The following PCDH18 variants were observed in gnomAD, a reference collection of about 807,000 sequenced individuals.
The protein encoded by PCDH18 is protocadherin 18.
In PCDH18, 38 loss-of-function variants were observed where a neutral mutation model predicts 71.5. That is an observed-to-expected ratio of 0.53 (90% CI 0.41 to 0.70). PCDH18 has a LOEUF of 0.70. PCDH18 is among the 30% of genes least tolerant of loss of function. The pLI is 0.00. For synonymous variants in PCDH18, 565 were observed against 505.4 expected (o/e 1.12, Z -1.58); for missense variants, 1,334 against 1,384.6 (o/e 0.96, Z 0.58).
rs866046766 is a variant in PCDH18 at position 137,530,573 on chromosome 4, C to T, written c.1516G>A (p.Glu506Lys). 2 of 1,614,100 alleles carry T rather than the reference C, an allele frequency of 1.2e-6. No homozygotes were observed. The highest frequency in any genetic ancestry group is 1.7e-6 in the Non-Finnish European group (2 of 1,179,988). ...ATGGAACTTCCTAGAATAAAACTCT[C>T]CAAGATGGTGTATGTCACTTGCCCA... is the stretch of plus-strand genomic sequence containing the variant. ...ENGQVTYTIL[E>K]SFILGSSITT... The change falls in exon 1 of 4, where the codon GAG (glutamate) becomes AAG (lysine). Residue 506 changes from glutamate to lysine, a missense_variant. Glu to Lys is a moderately conservative substitution (Grantham distance 56). Transcript: ENST00000344876.
intron 3 of PCDH18, among the ~76,000 whole-genome samples, chr4:137,526,227 C>A (rs1206203656): frequency 6.6e-6 from 1 of 151,832 alleles, no homozygotes; most frequent in African/African-American, 2.4e-5. Context: ...ATCATTTAAT[C>A]CCCAAAATAC....
rs1731684847 is a variant in PCDH18, at chr4:137,531,329, G to T, written c.760C>A (p.Gln254Lys). The change falls in exon 1 of 4, where the codon CAA becomes AAA. Residue 254 changes from glutamine to lysine, a missense_variant. Around this residue, in one of 3 missense-constraint regions of PCDH18, gnomAD observed 1,011 missense variants for 1,048.0 expected, o/e 0.96. Coordinates refer to ENST00000344876, the MANE Select transcript of PCDH18 (RefSeq NM_019035.5). Reference sequence around the variant, plus strand: ...CCAACCGGGGAGTTTTCTAAGAGTTGTATTATATAAGATTGCTGCTCAAAA... The same window carrying T: ...CCAACCGGGGAGTTTTCTAAGAGTTTTATTATATAAGATTGCTGCTCAAAA... ...PAFEQQSYII[Q>K]LLENSPVGTL... 1 of 1,613,862 alleles carries T rather than the reference G, an allele frequency of 6.2e-7. No individual in the cohort carries two copies. The highest frequency in any genetic ancestry group is 8.5e-7 in the Non-Finnish European group (1 of 1,180,008).
Position 137,521,713 on chromosome 4 carries a change from C to A in PCDH18, c.2741-17G>T. 1 of 1,570,740 alleles carries A rather than the reference C, an allele frequency of 6.4e-7. No individual in the cohort carries two copies. The highest frequency in any genetic ancestry group is 8.6e-7 in the Non-Finnish European group (1 of 1,156,222). ...GTCTCATAGCTGCACTCAAGAAAAA[C>A]AGTGGGGATTCATTATTATACTTAG... On this transcript the variant is annotated splice_polypyrimidine_tract_variant and intron_variant, in intron 3 of 3. Transcript: ENST00000344876.
chr4:137,520,892 T>C lies in PCDH18; in HGVS notation c.*137A>G, dbSNP rs932244380. On this transcript the variant is annotated 3_prime_UTR_variant, in exon 4 of 4. Coordinates refer to ENST00000344876, the MANE Select transcript of PCDH18 (RefSeq NM_019035.5). ...ATTGTGTACATACGAAAATACAGTA[T>C]TTAATATTCAATATACACAGACACA... 4 of 601,798 alleles carry C rather than the reference T, an allele frequency of 6.6e-6. No homozygotes were observed. Among genetic ancestry groups the C allele is most frequent in the Non-Finnish European group, 1.2e-5 (4 of 340,644 alleles). The allele number at this position is 601,798 out of a possible 1,614,324, so 37.3% of individuals were successfully genotyped here.
rs1239121418 is a variant in PCDH18, at chr4:137,520,276, A to G, written c.*753T>C. On this transcript the variant is annotated 3_prime_UTR_variant, in exon 4 of 4. Coordinates refer to ENST00000344876, the MANE Select transcript of PCDH18 (RefSeq NM_019035.5). ...ATAAAATTTATTGTTTACCATAATTATAAGTAGATAATAATATTGTGAGAG... is the reference window on the plus strand; with the variant it reads ...ATAAAATTTATTGTTTACCATAATTGTAAGTAGATAATAATATTGTGAGAG... 6.6e-6 allele frequency: 1 copy of G among 152,390 alleles called. No homozygotes were observed. Among genetic ancestry groups the G allele is most frequent in the Non-Finnish European group, 1.5e-5 (1 of 68,028 alleles). The allele number at this position is 152,390 out of a possible 1,614,324, so 9.4% of individuals were successfully genotyped here. A position where few individuals can be genotyped will look rare whatever the true frequency, so the allele number is the denominator to read the frequency against.
At position 137,521,488 on chromosome 4, in the gene PCDH18, A is replaced by G; in HGVS notation, c.2949T>C (p.Phe983=). The G allele has an allele frequency of 3.7e-6, 6 of 1,614,178 alleles. No individual in the cohort carries two copies. The highest frequency in any genetic ancestry group is 5.1e-6 in the Non-Finnish European group (6 of 1,180,030). ...PADSGEKKKS[F]STFGKDSPND... Reference sequence around the variant, plus strand: ...TTGGGGAGTCCTTTCCAAAGGTGGAAAAACTCTTCTTCTTTTCACCGGAAT... The same window carrying G: ...TTGGGGAGTCCTTTCCAAAGGTGGAGAAACTCTTCTTCTTTTCACCGGAAT... Residue 983 remains phenylalanine (F), a synonymous_variant, in exon 4 of 4, where the codon TTT becomes TTC. Coordinates refer to ENST00000344876, the MANE Select transcript of PCDH18 (RefSeq NM_019035.5).
rs368981762 is a variant in PCDH18, at chr4:137,521,108, T to C, written c.3329A>G (p.Asp1110Gly). 115 of 1,613,944 alleles carry C rather than the reference T, an allele frequency of 7.1e-5. No homozygotes were observed. The highest frequency in any genetic ancestry group is 9.7e-5 in the Non-Finnish European group (115 of 1,179,926). ...GGCATCCATGAGTTCGTGTTTCCCA[T>C]CATTGAGGTGGTTGAGCACATTGTC... ...DFDNVLNHLN[D>G]GKHELMDASE... Residue 1110 changes from aspartate (D) to glycine (G), a missense_variant, in exon 4 of 4, where the codon GAT becomes GGT. By Grantham distance (94) the Asp-to-Gly change is moderately conservative (BLOSUM62 -1). Transcript: ENST00000344876.
At chr4:137,521,738 G>A in intron 3 of PCDH18, 42 bp from the exon 4 acceptor site, 1 of 1,444,106 alleles carries the variant, frequency 6.9e-7, no homozygotes, top group South Asian at 1.3e-5. Context: ...ATTATACTTA[G>A]CACGATTCAA....
At position 137,530,271 on chromosome 4, in the gene PCDH18, A is replaced by C. The variant is rs773557321; in HGVS notation, c.1818T>G (p.Ile606Met). The change falls in exon 1 of 4, where the codon ATT (isoleucine) becomes ATG (methionine). Residue 606 changes from isoleucine to methionine, a missense_variant. Physicochemically the swap from Ile to Met is conservative, Grantham distance 10. Coordinates refer to ENST00000344876, the MANE Select transcript of PCDH18 (RefSeq NM_019035.5). ...SGFHVTRIRA[I>M]DRDSGVNAEL... ...CAGCATTCACACCAGAGTCTCTGTCAATTGCCCTTATTCTTGTGACATGAA... is the reference window on the plus strand; with the variant it reads ...CAGCATTCACACCAGAGTCTCTGTCCATTGCCCTTATTCTTGTGACATGAA... The C allele has an allele frequency of 6.2e-7, 1 of 1,614,022 alleles. No homozygotes were observed. Among genetic ancestry groups the C allele is most frequent in the Non-Finnish European group, 8.5e-7 (1 of 1,179,976 alleles).
Position 137,530,337 on chromosome 4 carries a change from A to C in PCDH18, c.1752T>G (p.Asn584Lys). Reference sequence around the variant, plus strand: ...CTTTGGGAATGGTGATTTCTGCCGTATTATTACGCAATGCAGGCCCTATAA... The same window carrying C: ...CTTTGGGAATGGTGATTTCTGCCGTCTTATTACGCAATGCAGGCCCTATAA... ...PVVIGPALRN[N>K]TAEITIPKGA... is the part of the protein sequence containing the mutation. The change falls in exon 1 of 4, where the codon AAT (asparagine) becomes AAG (lysine). Residue 584 changes from asparagine to lysine, a missense_variant. Physicochemically the swap from Asn to Lys is moderately conservative, Grantham distance 94 (BLOSUM62 0). Transcript: ENST00000344876. 1 of 1,613,528 alleles carries C rather than the reference A, an allele frequency of 6.2e-7. No homozygotes were observed.
In PCDH18 at chr4:137,530,296, A is replaced by G; in HGVS notation, c.1793T>C (p.Phe598Ser). 2.5e-6 allele frequency: 4 copies of G among 1,613,868 alleles called. No individual in the cohort carries two copies. Among genetic ancestry groups the G allele is most frequent in the Non-Finnish European group, 3.4e-6 (4 of 1,179,878 alleles). ...ITIPKGAESG[F>S]HVTRIRAIDR... Reference sequence around the variant, plus strand: ...AATTGCCCTTATTCTTGTGACATGAAAGCCACTTTCAGCCCCTTTGGGAAT... The same window carrying G: ...AATTGCCCTTATTCTTGTGACATGAGAGCCACTTTCAGCCCCTTTGGGAAT... The change falls in exon 1 of 4, where the codon TTT becomes TCT. Residue 598 changes from phenylalanine (F) to serine (S), a missense_variant. Around this residue, in one of 3 missense-constraint regions of PCDH18, gnomAD observed 1,011 missense variants for 1,048.0 expected, o/e 0.96. Coordinates refer to ENST00000344876, the MANE Select transcript of PCDH18 (RefSeq NM_019035.5).
intron 3 of PCDH18, among the ~76,000 whole-genome samples, chr4:137,524,950 C>T (rs1436736855): frequency 2.0e-5 from 3 of 151,998 alleles, no homozygotes; most frequent in Non-Finnish European, 4.4e-5. Flanking sequence ...GATGGGCTTT[C>T]GTGGATACCT....
intron 3 of PCDH18, among the ~76,000 whole-genome samples, chr4:137,525,875 G>A (rs1184563861): frequency 1.3e-5 from 2 of 152,026 alleles, no homozygotes; most frequent in Non-Finnish European, 2.9e-5. Context: ...CTCATGTTAA[G>A]TGGAATTATT....
At position 137,529,766 on chromosome 4, in the gene PCDH18, G is replaced by A. The variant is rs1731597843; in HGVS notation, c.2323C>T (p.His775Tyr). ...GGAGATGAAGATGGAGACGATCTGT[G>A]ATGAGATCTGATGGGCAGAGTGCCA... ...INGTLPIRSH[H>Y]RSSPSSSPTL... Residue 775 changes from histidine (H) to tyrosine (Y), a missense_variant, in exon 1 of 4, where the codon CAC (histidine) becomes TAC (tyrosine). By Grantham distance (83) the His-to-Tyr change is moderately conservative. Around this residue, in one of 3 missense-constraint regions of PCDH18, gnomAD observed 1,011 missense variants for 1,048.0 expected, o/e 0.96. Coordinates refer to ENST00000344876, the MANE Select transcript of PCDH18 (RefSeq NM_019035.5). The A allele has an allele frequency of 3.7e-6, 6 of 1,613,976 alleles. No homozygotes were observed. The highest frequency in any genetic ancestry group is 2.2e-5 in the South Asian group (2 of 91,076).
Position 137,531,303 on chromosome 4 carries a change from G to A in PCDH18, c.786C>T (p.Gly262=). 6.2e-7 allele frequency: 1 copy of A among 1,614,068 alleles called. No homozygotes were observed. Among genetic ancestry groups the A allele is most frequent in the Non-Finnish European group, 8.5e-7 (1 of 1,179,988 alleles). ...TGGCATTCAGATCTAAGAGCAAAGT[G>A]CCAACCGGGGAGTTTTCTAAGAGTT... The part of the protein sequence containing the change: ...IIQLLENSPV[G]TLLLDLNATD... The change falls in exon 1 of 4, where the codon GGC becomes GGT. Residue 262 remains glycine (G), a synonymous_variant. Coordinates refer to ENST00000344876, the MANE Select transcript of PCDH18 (RefSeq NM_019035.5).
chr4:137,524,204 G>T (rs79435962), intron 3 of PCDH18, among the ~76,000 whole-genome samples: 687 of 152,266 alleles, frequency 4.5e-3, no homozygotes, highest in Middle Eastern at 0.031. Context: ...ATGGTGAAAG[G>T]AGAGTATCTT....
Position 137,521,370 on chromosome 4 carries a change from A to C in PCDH18, c.3067T>G (p.Tyr1023Asp). 6.2e-7 allele frequency: 1 copy of C among 1,614,172 alleles called. No individual in the cohort carries two copies. The highest frequency in any genetic ancestry group is 8.5e-7 in the Non-Finnish European group (1 of 1,180,022). Residue 1023 changes from tyrosine to aspartate, a missense_variant, in exon 4 of 4, where the codon TAT becomes GAT. Coordinates refer to ENST00000344876, the MANE Select transcript of PCDH18 (RefSeq NM_019035.5). ...QRLLPPSLDTYSECSEVDRSN... is the reference protein window; with the variant it reads ...QRLLPPSLDTDSECSEVDRSN... Reference sequence around the variant, plus strand: ...CGATCCACCTCACTGCATTCAGAATAGGTGTCCAGGGAAGGCGGTAAGAGA... The same window carrying C: ...CGATCCACCTCACTGCATTCAGAATCGGTGTCCAGGGAAGGCGGTAAGAGA...
rs1485406840 is a variant in PCDH18, at chr4:137,530,159, T to C, written c.1930A>G (p.Met644Val). 7 of 1,613,452 alleles carry C rather than the reference T, an allele frequency of 4.3e-6. No homozygotes were observed. The highest frequency in any genetic ancestry group is 5.9e-6 in the Non-Finnish European group (7 of 1,179,590). ...RSCDIHTNVS[M>V]DSVPYTEWEL... ...CATTCTGTGTAGGGAACAGAATCCATGCTAACGTTGGTATGGATGTCACAT... is the reference window on the plus strand; with the variant it reads ...CATTCTGTGTAGGGAACAGAATCCACGCTAACGTTGGTATGGATGTCACAT... The change falls in exon 1 of 4, where the codon ATG (methionine) becomes GTG (valine). Residue 644 changes from methionine to valine, a missense_variant. This residue lies in a region of PCDH18 where 1,011 missense variants were observed against 1,048.0 expected (regional missense o/e 0.96). Transcript: ENST00000344876.
Position 137,520,155 on chromosome 4 carries a change from A to G in PCDH18, c.*874T>C, listed in dbSNP as rs1731247947. On this transcript the variant is annotated 3_prime_UTR_variant, in exon 4 of 4. Transcript: ENST00000344876. ...GAGAGACACTGACACAACTGTTTTT[A>G]TCCAGTAATATTTTATGCCATTAGA... The G allele has an allele frequency of 6.6e-6, 1 of 152,652 alleles. No individual in the cohort carries two copies. Among genetic ancestry groups the G allele is most frequent in the South Asian group, 2.1e-4 (1 of 4,830 alleles). The allele number at this position is 152,652 out of a possible 1,614,324, so 9.5% of individuals were successfully genotyped here. A position where few individuals can be genotyped will look rare whatever the true frequency, so the allele number is the denominator to read the frequency against.
Sources: gnomAD v4.1 joint callset for allele counts (sites outside exome capture counted in the v4.1 genomes callset) on GRCh38, gnomAD v4.1.1 for gene constraint, gnomAD v4.1.1 regional missense constraint, MANE v1.5 for transcripts, NCBI Gene and HGNC (gene_info 2026-07-23, HGNC 2026-07-21) for gene names.